Variants in MRTFA observed in about 807,000 individuals in gnomAD.
MRTFA encodes the protein myocardin-related transcription factor A.
A neutral mutation model predicts 83.5 loss-of-function variants in MRTFA; 20 were observed. The ratio of observed to expected loss-of-function variants is 0.24; its 90% CI spans 0.17 to 0.35. The LOEUF is 0.35. Among genes scored for constraint, MRTFA ranks in the 10% least tolerant of loss-of-function variants. MRTFA has a pLI of 1.00. For synonymous variants in MRTFA, 659 were observed against 541.2 expected, an observed-to-expected ratio of 1.22 and a Z score of -3.02; for missense variants, 1,200 against 1,224.7, an observed-to-expected ratio of 0.98 and a Z score of 0.30.
At position 40,416,883 on chromosome 22, in the gene MRTFA, T is replaced by A. The variant is rs1007924295; in HGVS notation, c.2578+103A>T. 9.0e-7 allele frequency: 1 copy of A among 1,112,106 alleles called. No homozygotes were observed. The highest frequency in any genetic ancestry group is 1.6e-5 in the African/African-American group (1 of 63,580). The allele number at this position is 1,112,106 out of a possible 1,614,324, so 68.9% of individuals were successfully genotyped here. A position where few individuals can be genotyped will look rare whatever the true frequency, so the allele number is the denominator to read the frequency against. The stretch of plus-strand genomic sequence containing the variant: ...TGCATCCACAGTGCTTGCCCAAGAC[T>A]GGTCACGCACGGAAGCATTCAATAA... On this transcript the variant is annotated intron_variant, in intron 14 of 14. Transcript: ENST00000355630. This position sits in a 1 kb window ranked among gnomAD's most constrained non-coding sequence, Gnocchi z 4.2.
chr22:40,425,627 A>T (rs1292219923), intron 7 of MRTFA, among the ~76,000 whole-genome samples: 1 of 152,180 alleles, frequency 6.6e-6, no homozygotes, highest in African/African-American at 2.4e-5. Context: ...CTGTCCCAGC[A>T]GGGGCAAGTA....
chr22:40,475,167 T>C (rs2053972350), intron 3 of MRTFA, among the ~76,000 whole-genome samples: 1 of 152,122 alleles, frequency 6.6e-6, no homozygotes, highest in Non-Finnish European at 1.5e-5. Context: ...TTTGAATCCA[T>C]TAGAGCTAGG....
chr22:40,462,475 A>G (rs1002171552), intron 4 of MRTFA, among the ~76,000 whole-genome samples: 4 of 152,226 alleles, frequency 2.6e-5, no homozygotes, highest in Admixed American at 2.6e-4. Context: ...CAGTGTATCC[A>G]AGTAGTGATA....
intron 3 of MRTFA, among the ~76,000 whole-genome samples, chr22:40,497,439 T>C (rs1368262107): frequency 6.6e-6 from 1 of 152,180 alleles, no homozygotes; most frequent in African/African-American, 2.4e-5. Flanking sequence ...GCAGAGAGGC[T>C]GGTGAGGAAG....
intron 2 of MRTFA, among the ~76,000 whole-genome samples, chr22:40,566,392 T>C (rs541082666): frequency 6.6e-5 from 10 of 152,198 alleles, no homozygotes; most frequent in Admixed American, 2.6e-4. Context: ...GCTAATTTTT[T>C]TGCATTTTTA....
intron 2 of MRTFA, among the ~76,000 whole-genome samples, chr22:40,554,291 G>A (rs1309916660): frequency 6.6e-6 from 1 of 152,062 alleles, no homozygotes; most frequent in African/African-American, 2.4e-5. Context: ...ATTTGGGAGG[G>A]GCCAGGGGCA....
rs1028646715 is a variant in MRTFA at position 40,625,461 on chromosome 22, A to G, written c.-84+11017T>C. On this transcript the variant is annotated intron_variant, in intron 1 of 14. Transcript: ENST00000355630. ...CAAGGCCCTCTCTCTAAATAAATAAATAAATAAATAAATAAATAAATAAAT... is the reference window on the plus strand; with the variant it reads ...CAAGGCCCTCTCTCTAAATAAATAAGTAAATAAATAAATAAATAAATAAAT... Among the ~76,000 whole-genome samples the G allele has an allele frequency of 1.2e-4, 17 of 145,936 alleles. 2 individuals carry two copies. Among genetic ancestry groups the G allele is most frequent in the Admixed American group, 1.0e-3 (15 of 14,654 alleles).
intron 3 of MRTFA, among the ~76,000 whole-genome samples, chr22:40,502,070 G>T (rs1485782574): frequency 7.2e-6 from 1 of 139,172 alleles, no homozygotes; most frequent in African/African-American, 2.7e-5. Flanking sequence ...GTGGCTGGCC[G>T]GGCTGAGGGG....
Position 40,536,128 on chromosome 22 carries a change from CAAAAAAAAAAAAAAGA to C in MRTFA, c.241+15962_241+15977del, listed in dbSNP as rs1349759187. Among the ~76,000 whole-genome samples, 5 of 113,920 alleles carry C rather than the reference CAAAAAAAAAAAAAAGA, an allele frequency of 4.4e-5. No homozygotes were observed. In the Admixed American group the frequency reaches 4.4e-4, roughly 10 times the overall value. The allele number at this position is 113,920 out of a possible 152,430, so 74.7% of individuals were successfully genotyped here. A position where few individuals can be genotyped will look rare whatever the true frequency, so the allele number is the denominator to read the frequency against. On this transcript the variant is annotated intron_variant, in intron 3 of 14. Transcript: ENST00000355630. Reference sequence around the variant, plus strand: ...CAACATGGCAAGACCCCATCTCTACCAAAAAAAAAAAAAAGAAAAAGAAAAAAAGCCAGGTATGGTG... The same window carrying C: ...CAACATGGCAAGACCCCATCTCTACCAAAAGAAAAAAAGCCAGGTATGGTG...
chr22:40,512,878 T>C (rs2054690417), intron 3 of MRTFA, among the ~76,000 whole-genome samples: 1 of 152,230 alleles, frequency 6.6e-6, no homozygotes, highest in African/African-American at 2.4e-5. Flanking sequence ...TAAAAGTAAT[T>C]TGTAAACTTT....
At chr22:40,424,455 AG>A in intron 7 of MRTFA, 74 bp from the exon 8 acceptor site, 1 of 1,503,208 alleles carries the variant, frequency 6.7e-7, no homozygotes, top group East Asian at 2.4e-5. Context: ...CCTGGCTCGC[AG>A]GCCACAGGCA....
At chr22:40,543,787 C>A (rs2055325296) in intron 3 of MRTFA, among the ~76,000 whole-genome samples, 2 of 152,140 alleles carry the variant, frequency 1.3e-5, no homozygotes, top group South Asian at 4.1e-4. Context: ...AATATCAGTT[C>A]TTCCTAAGTT....
At chr22:40,471,367 C>A (rs919023200) in intron 3 of MRTFA, among the ~76,000 whole-genome samples, 2 of 151,868 alleles carry the variant, frequency 1.3e-5, no homozygotes, top group African/African-American at 4.8e-5. Flanking sequence ...CATGCCACTG[C>A]ACTCCAGCCT....
intron 3 of MRTFA, among the ~76,000 whole-genome samples, chr22:40,534,530 C>G (rs1017578093): frequency 1.3e-5 from 2 of 152,198 alleles, no homozygotes; most frequent in Non-Finnish European, 2.9e-5. Context: ...ATGTGGCTTA[C>G]TGCAACCTCG....
At chr22:40,627,270 T>A (rs928134957) in intron 1 of MRTFA, among the ~76,000 whole-genome samples, 3 of 152,126 alleles carry the variant, frequency 2.0e-5, no homozygotes, top group Non-Finnish European at 4.4e-5. Context: ...CATGTCACCA[T>A]GCTGAGCTAC....
At chr22:40,488,892 G>T (rs980868324) in intron 3 of MRTFA, among the ~76,000 whole-genome samples, 1 of 151,908 alleles carries the variant, frequency 6.6e-6, no homozygotes, top group South Asian at 2.1e-4. Flanking sequence ...AATCTCAATG[G>T]GTACATTTGA....
intron 3 of MRTFA, among the ~76,000 whole-genome samples, chr22:40,494,043 A>C (rs1369128166): frequency 6.6e-6 from 1 of 152,184 alleles, no homozygotes; most frequent in Non-Finnish European, 1.5e-5. Context: ...AACTATTTGA[A>C]AACTGGTAAA....
At chr22:40,435,434 C>A in intron 5 of MRTFA, 65 bp downstream of exon 5, 1 of 1,507,968 alleles carries the variant, frequency 6.6e-7, no homozygotes, top group Non-Finnish European at 9.2e-7. Context: ...GGAAATATAA[C>A]CAGCAATGCA....
chr22:40,416,937 C>T lies in MRTFA; in HGVS notation c.2578+49G>A. 1 of 1,535,290 alleles carries T rather than the reference C, an allele frequency of 6.5e-7. No homozygotes were observed. The highest frequency in any genetic ancestry group is 2.4e-5 in the East Asian group (1 of 42,496). On this transcript the variant is annotated intron_variant, in intron 14 of 14. Coordinates refer to ENST00000355630, the MANE Select transcript of MRTFA (RefSeq NM_020831.6). This position sits in a 1 kb window ranked among gnomAD's most constrained non-coding sequence, Gnocchi z 4.2. The stretch of plus-strand genomic sequence containing the variant: ...CAAACCAACCCAGGGCTAGAGACAC[C>T]TATGAACAGAGAAGGCCGTCAGGGA...
Sources: allele counts gnomAD v4.1 joint callset (sites outside exome capture counted in the v4.1 genomes callset), GRCh38; gene constraint gnomAD v4.1.1; non-coding constraint Gnocchi (gnomAD v3.1); transcripts MANE v1.5; gene names NCBI Gene and HGNC (gene_info 2026-07-23, HGNC 2026-07-21).